ALDH1A2: variants seen among roughly 807,000 people sequenced by gnomAD.
The protein encoded by ALDH1A2 is aldehyde dehydrogenase 1 family member A2.
A neutral mutation model predicts 60.3 loss-of-function variants in ALDH1A2; 27 were observed. That is an observed-to-expected ratio of 0.45 (90% confidence interval 0.33 to 0.62). The LOEUF is 0.62. Among genes scored for constraint, ALDH1A2 ranks in the 20% least tolerant of loss-of-function variants. The pLI, the probability that ALDH1A2 is intolerant of heterozygous loss-of-function variation, is 0.02. For missense variants in ALDH1A2, 581 were observed against 643.8 expected, an observed-to-expected ratio of 0.90 and a Z score of 1.06; for synonymous variants, 289 against 232.4, an observed-to-expected ratio of 1.24 and a Z score of -2.21.
At chr15:58,026,620 G>T (rs1320994492) in intron 1 of ALDH1A2, among the ~76,000 whole-genome samples, 1 of 152,162 alleles carries the variant, frequency 6.6e-6, no homozygotes, top group African/African-American at 2.4e-5. Flanking sequence ...CTAGCCAAGG[G>T]AAGCCATGAC....
At chr15:58,049,966 G>C (rs1896734744) in intron 1 of ALDH1A2, among the ~76,000 whole-genome samples, 1 of 152,136 alleles carries the variant, frequency 6.6e-6, no homozygotes, top group Admixed American at 6.6e-5. Flanking sequence ...ATTTGCAAAT[G>C]GAAGACTTCA....
At chr15:57,960,724 A>C (rs1342085277) in intron 12 of ALDH1A2, 46 bp downstream of exon 12, 2 of 1,500,934 alleles carry the variant, frequency 1.3e-6, no homozygotes, top group African/African-American at 2.8e-5. Flanking sequence ...CTGTGCTGAT[A>C]TTTGCAATCT....
At chr15:57,978,402 T>C (rs927340972) in intron 7 of ALDH1A2, among the ~76,000 whole-genome samples, 1 of 152,232 alleles carries the variant, frequency 6.6e-6, no homozygotes, top group Non-Finnish European at 1.5e-5. Context: ...TGAAGGGGTA[T>C]TGAATTTTAT....
intron 1 of ALDH1A2, among the ~76,000 whole-genome samples, chr15:58,064,858 T>C (rs1022428484): frequency 6.9e-6 from 1 of 144,802 alleles, no homozygotes; most frequent in Non-Finnish European, 1.5e-5. Context: ...ACGTTCGTTA[T>C]AAAAAAAAAA....
chr15:57,981,415 C>T (rs779857739), intron 7 of ALDH1A2, among the ~76,000 whole-genome samples: 5 of 151,448 alleles, frequency 3.3e-5, no homozygotes, highest in Non-Finnish European at 7.4e-5. Flanking sequence ...AGTAAAGCTG[C>T]CAGAGGAGAG....
chr15:58,019,749 G>A (rs1386931714), intron 1 of ALDH1A2, among the ~76,000 whole-genome samples: 5 of 152,106 alleles, frequency 3.3e-5, no homozygotes, highest in South Asian at 2.1e-4. Flanking sequence ...AGAATGATAG[G>A]CACTTAGCTA....
At chr15:58,002,306 A>G (rs1405559031) in intron 4 of ALDH1A2, among the ~76,000 whole-genome samples, 5 of 151,926 alleles carry the variant, frequency 3.3e-5, no homozygotes, top group Admixed American at 2.6e-4. Context: ...AGCCTCTACT[A>G]TATTTGCGAA....
intron 1 of ALDH1A2, among the ~76,000 whole-genome samples, chr15:58,030,580 G>T (rs1896209815): frequency 6.6e-6 from 1 of 152,116 alleles, no homozygotes; most frequent in African/African-American, 2.4e-5. Flanking sequence ...TATCTAATTA[G>T]GAAAAGAGGA....
rs149134014 is a variant in ALDH1A2 at position 58,024,473 on chromosome 15, G to T, written c.118-10192C>A. Among the ~76,000 whole-genome samples, 122 of 152,184 alleles carry T rather than the reference G, an allele frequency of 8.0e-4. 1 individual carries two copies. The highest frequency in any genetic ancestry group is 2.8e-3 in the African/African-American group (118 of 41,540). On this transcript the variant is annotated intron_variant, in intron 1 of 12. Coordinates refer to ENST00000249750, the MANE Select transcript of ALDH1A2 (RefSeq NM_003888.4). ...ATAAAAACAGATTTTAAGCCAAGAAGTTCATTATATAATATGAGGGAATCA... is the reference window on the plus strand; with the variant it reads ...ATAAAAACAGATTTTAAGCCAAGAATTTCATTATATAATATGAGGGAATCA...
At chr15:58,044,788 T>G (rs937196788) in intron 1 of ALDH1A2, among the ~76,000 whole-genome samples, 38 of 151,948 alleles carry the variant, frequency 2.5e-4, no homozygotes, top group African/African-American at 8.9e-4. Context: ...TCAAAACCAA[T>G]CCTTATCATA....
chr15:57,992,771 T>G lies in ALDH1A2; in HGVS notation c.732A>C (p.Pro244=). ...GAGAAGCTATTGCTGCCCCAGCCGT[T>G]GGCCCATATCCTGGCAAAATATTGA... ...GVINILPGYG[P]TAGAAIASHI... The change falls in exon 7 of 13, where the codon CCA becomes CCC. Residue 244 remains proline, a synonymous_variant. Coordinates refer to ENST00000249750, the MANE Select transcript of ALDH1A2 (RefSeq NM_003888.4). The G allele has an allele frequency of 6.2e-7, 1 of 1,614,116 alleles. No homozygotes were observed. The highest frequency in any genetic ancestry group is 8.5e-7 in the Non-Finnish European group (1 of 1,179,998).
chr15:58,018,318 CA>C (rs1377255381), intron 1 of ALDH1A2, among the ~76,000 whole-genome samples: 1 of 151,972 alleles, frequency 6.6e-6, no homozygotes, highest in Non-Finnish European at 1.5e-5. Flanking sequence ...TCCAAAAGTT[CA>C]TAATGATATA....
At chr15:57,962,237 T>A in intron 9 of ALDH1A2, 61 bp from the exon 10 acceptor site, 1 of 1,582,590 alleles carries the variant, frequency 6.3e-7, no homozygotes, top group Middle Eastern at 1.8e-4. Flanking sequence ...GAAATAAGTA[T>A]GTTCTTGAGA....
intron 1 of ALDH1A2, among the ~76,000 whole-genome samples, chr15:58,039,470 T>C (rs1348907049): frequency 1.3e-5 from 2 of 151,778 alleles, no homozygotes; most frequent in African/African-American, 4.8e-5. Flanking sequence ...TCAACCTCAA[T>C]TGTGAAGGCC....
intron 7 of ALDH1A2, among the ~76,000 whole-genome samples, chr15:57,969,397 C>A (rs4646615): frequency 0.32 from 48,513 of 152,046 alleles, 7,978 homozygotes; most frequent in Non-Finnish European, 0.36. Context: ...TTATAACCCA[C>A]AGGTTTCCGA....
chr15:58,007,764 C>T (rs1468304153), intron 4 of ALDH1A2, among the ~76,000 whole-genome samples: 1 of 149,714 alleles, frequency 6.7e-6, no homozygotes, highest in Non-Finnish European at 1.5e-5. Flanking sequence ...TGGTTAAAGA[C>T]TAACGGACTT....
chr15:57,996,633 C>A (rs1285033318), intron 4 of ALDH1A2, among the ~76,000 whole-genome samples: 3 of 151,692 alleles, frequency 2.0e-5, no homozygotes, highest in Non-Finnish European at 2.9e-5. Context: ...TCAGTTTAGG[C>A]TATTATAAAT....
chr15:57,976,724 T>A (rs1894271665), intron 7 of ALDH1A2, among the ~76,000 whole-genome samples: 2 of 152,224 alleles, frequency 1.3e-5, no homozygotes, highest in African/African-American at 4.8e-5. Context: ...GCAATAAACA[T>A]ACAAGTGCAT....
At chr15:57,959,140 ATTTATTGAAAGTATAT>A (rs1331141179) in intron 12 of ALDH1A2, among the ~76,000 whole-genome samples, 1 of 152,192 alleles carries the variant, frequency 6.6e-6, no homozygotes, top group Non-Finnish European at 1.5e-5. Context: ...ACCAGCGATC[ATTTATTGAAAGTATAT>A]TTTATGCTCA....
Sources: allele counts gnomAD v4.1 joint callset (sites outside exome capture counted in the v4.1 genomes callset), GRCh38; gene constraint gnomAD v4.1.1; transcripts MANE v1.5; gene names NCBI Gene and HGNC (gene_info 2026-07-23, HGNC 2026-07-21).